Variants in PRAG1 observed in about 807,000 individuals in gnomAD.
The protein encoded by PRAG1 is inactive tyrosine-protein kinase PRAG1.
PRAG1 carries 110 observed loss-of-function variants against 95.6 expected under a neutral mutation model. The ratio of observed to expected loss-of-function variants is 1.15; its 90% confidence interval spans 0.99 to 1.35. PRAG1 has a LOEUF of 1.35. Among genes scored for constraint, PRAG1 ranks in the 40% most tolerant of loss-of-function variants. The pLI, the probability that PRAG1 is intolerant of heterozygous loss-of-function variation, is 0.00. For synonymous variants in PRAG1, 1,052 were observed against 819.4 expected (o/e 1.28, Z -4.85); for missense variants, 2,554 against 1,864.7 (o/e 1.37, Z -6.81).
At chr8:8,371,453 G>A (rs938769881) in intron 3 of PRAG1, among the ~76,000 whole-genome samples, 1 of 151,900 alleles carries the variant, frequency 6.6e-6, no homozygotes, top group African/African-American at 2.4e-5. Flanking sequence ...GTAGAGAGGG[G>A]TTTCACCGTG....
chr8:8,328,585 T>TTTCTA, intron 4 of PRAG1, 124 bp from the exon 5 acceptor site: 3 of 1,045,436 alleles, frequency 2.9e-6, no homozygotes, highest in Non-Finnish European at 4.0e-6. Flanking sequence ...ATGTTACTTC[T>TTTCTA]TTTCTATTTC....
intron 3 of PRAG1, among the ~76,000 whole-genome samples, chr8:8,368,239 G>A (rs1362208959): frequency 6.6e-6 from 1 of 152,206 alleles, no homozygotes; most frequent in Admixed American, 6.5e-5. Context: ...CGGCCTGGAA[G>A]CTCCTCTCAT....
chr8:8,334,482 G>C (rs1039839872), intron 4 of PRAG1, among the ~76,000 whole-genome samples: 1 of 151,346 alleles, frequency 6.6e-6, no homozygotes, highest in African/African-American at 2.4e-5. Context: ...CTTTTTTCAA[G>C]AAGATAAACG....
At chr8:8,320,264 G>C (rs1041129717) in intron 5 of PRAG1, among the ~76,000 whole-genome samples, 4 of 152,150 alleles carry the variant, frequency 2.6e-5, no homozygotes, top group Non-Finnish European at 4.4e-5. Context: ...CTCCAAGGAA[G>C]AAGGAACCAG....
intron 3 of PRAG1, among the ~76,000 whole-genome samples, chr8:8,352,416 A>G (rs1799552581): frequency 6.6e-6 from 1 of 152,222 alleles, no homozygotes; most frequent in Admixed American, 6.5e-5. Context: ...GTCCACAACT[A>G]TGCAGGTTGG....
rs752480564 is a variant in PRAG1 at position 8,376,884 on chromosome 8, T to G, written c.1525A>C (p.Asn509His). 1.0e-4 allele frequency: 169 copies of G among 1,613,144 alleles called. No individual in the cohort carries two copies. The highest frequency in any genetic ancestry group is 1.4e-4 in the Non-Finnish European group (163 of 1,180,026). ...GTCTCCTCTTCACCTACCTCGGAGTTCTGGCTCACAGGCCCTCGTGGCCAC... is the reference window on the plus strand; with the variant it reads ...GTCTCCTCTTCACCTACCTCGGAGTGCTGGCTCACAGGCCCTCGTGGCCAC... ...VQWPRGPVSQ[N>H]SEVGEEETSA... The change falls in exon 3 of 6, where the codon AAC becomes CAC. Residue 509 changes from asparagine to histidine, a missense_variant. Physicochemically the swap from Asn to His is moderately conservative, Grantham distance 68 (BLOSUM62 1). Coordinates refer to ENST00000615670, the MANE Select transcript of PRAG1 (RefSeq NM_001080826.3).
rs766428210 is a variant in PRAG1 at position 8,378,052 on chromosome 8, C to A, written c.357G>T (p.Lys119Asn). Residue 119 changes from lysine (K) to asparagine (N), a missense_variant, in exon 3 of 6, where the codon AAG (lysine) becomes AAT (asparagine). Coordinates refer to ENST00000615670, the MANE Select transcript of PRAG1 (RefSeq NM_001080826.3). ...CATCCTCCTGCTTCGGGAGGGGGAG[C>A]TTGCCAGGGGCTCGTCTCCAGATGA... Reference protein sequence around the residue: ...SQVIWRRAPGKLPLPKQEDAP... With the variant: ...SQVIWRRAPGNLPLPKQEDAP... 5 of 1,547,720 alleles carry A rather than the reference C, an allele frequency of 3.2e-6. No homozygotes were observed. In the African/African-American group the frequency reaches 6.9e-5, roughly 21 times the overall value.
chr8:8,357,747 A>G (rs1384866981), intron 3 of PRAG1, among the ~76,000 whole-genome samples: 2 of 152,248 alleles, frequency 1.3e-5, no homozygotes, highest in African/African-American at 4.8e-5. Flanking sequence ...ACCTGTGTTC[A>G]TAGCAGTATT....
intron 3 of PRAG1, among the ~76,000 whole-genome samples, chr8:8,350,399 C>A (rs1326733296): frequency 6.6e-6 from 1 of 152,220 alleles, no homozygotes; most frequent in African/African-American, 2.4e-5. Context: ...CGTGTTCCAA[C>A]TCATGGCCTG....
intron 4 of PRAG1, 105 bp from the exon 5 acceptor site, chr8:8,328,566 A>G: frequency 8.1e-7 from 1 of 1,229,580 alleles, no homozygotes; most frequent in Non-Finnish European, 1.1e-6. Context: ...GGTCAGAGCA[A>G]TTAATTTTAT....
At chr8:8,370,768 T>A (rs1800166426) in intron 3 of PRAG1, among the ~76,000 whole-genome samples, 1 of 152,206 alleles carries the variant, frequency 6.6e-6, no homozygotes, top group African/African-American at 2.4e-5. Flanking sequence ...TGGTTACTGA[T>A]GTGGCCACTT....
chr8:8,381,537 C>T lies in PRAG1; in HGVS notation c.211G>A (p.Asp71Asn). 2.5e-6 allele frequency: 4 copies of T among 1,614,242 alleles called. No homozygotes were observed. Among genetic ancestry groups the T allele is most frequent in the Non-Finnish European group, 3.4e-6 (4 of 1,180,024 alleles). ...TAAGGTGAGCTGTTCACACCTTCAT[C>T]TTCCAGGCGGCAGTTCTCAGGCCTG... ...PPRPENCRLEDEGVNSSPYSK... is the reference protein window; with the variant it reads ...PPRPENCRLENEGVNSSPYSK... The change falls in exon 2 of 6, where the codon GAT becomes AAT. Residue 71 changes from aspartate (D) to asparagine (N), a missense_variant. Coordinates refer to ENST00000615670, the MANE Select transcript of PRAG1 (RefSeq NM_001080826.3).
chr8:8,377,722 C>T lies in PRAG1; in HGVS notation c.687G>A (p.Arg229=), dbSNP rs371798016. 14 of 1,613,944 alleles carry T rather than the reference C, an allele frequency of 8.7e-6. No individual in the cohort carries two copies. The highest frequency in any genetic ancestry group is 1.2e-5 in the Non-Finnish European group (14 of 1,179,986). Residue 229 remains arginine, a synonymous_variant, in exon 3 of 6, where the codon CGG becomes CGA. Transcript: ENST00000615670. ...TGTCATCCTCCGAGGGCAGGGATTC[C>T]CGCAGGGGCCCAGGGCCCTGGTGAC... ...SGCHQGPGPL[R]ESLPSEDDSD... is the part of the protein sequence containing the mutation.
intron 3 of PRAG1, among the ~76,000 whole-genome samples, chr8:8,340,884 C>T (rs1799140106): frequency 1.3e-5 from 2 of 152,176 alleles, no homozygotes. Flanking sequence ...GACTAATCTT[C>T]ATCTTTGTAT....
chr8:8,367,658 T>C (rs191409289), intron 3 of PRAG1, among the ~76,000 whole-genome samples: 165 of 151,950 alleles, frequency 1.1e-3, no homozygotes, highest in African/African-American at 3.9e-3. Flanking sequence ...TTTTTGTTTT[T>C]TGAGATGGAG....
intron 3 of PRAG1, among the ~76,000 whole-genome samples, chr8:8,372,531 G>C (rs1346494543): frequency 6.6e-6 from 1 of 152,222 alleles, no homozygotes; most frequent in Non-Finnish European, 1.5e-5. Flanking sequence ...GACGGCAACA[G>C]GGAAGGAAGT....
chr8:8,327,652 T>C (rs897631459), intron 5 of PRAG1, 58 bp downstream of exon 5: 10 of 1,554,708 alleles, frequency 6.4e-6, no homozygotes, highest in Non-Finnish European at 8.7e-6. Context: ...GCCACAGTTC[T>C]GCCCAAGCCA....
chr8:8,348,671 G>T (rs1799424508), intron 3 of PRAG1, among the ~76,000 whole-genome samples: 1 of 152,004 alleles, frequency 6.6e-6, no homozygotes, highest in Non-Finnish European at 1.5e-5. Context: ...TCAAAACCCA[G>T]CATCAGTTTC....
In PRAG1 at chr8:8,366,398, C is replaced by T. The variant is rs1343585493; in HGVS notation, c.2162+9849G>A. Among the ~76,000 whole-genome samples the T allele has an allele frequency of 2.0e-5, 3 of 151,274 alleles. No homozygotes were observed. The East Asian group carries it at 5.8e-4, about 29-fold the overall frequency. On this transcript the variant is annotated intron_variant, in intron 3 of 5. Coordinates refer to ENST00000615670, the MANE Select transcript of PRAG1 (RefSeq NM_001080826.3). ...GCATGATCTTGGCTCACTGCAACCT[C>T]CAACTCCCGGGTTCAAGCAATTCTT...
Sources: gnomAD v4.1 joint callset for allele counts (sites outside exome capture counted in the v4.1 genomes callset) on GRCh38, gnomAD v4.1.1 for gene constraint, MANE v1.5 for transcripts, NCBI Gene and HGNC (gene_info 2026-07-23, HGNC 2026-07-21) for gene names.